Variants in PCARE observed in about 807,000 individuals in gnomAD.
PCARE encodes the protein uncharacterized protein C2orf71.
PCARE carries 72 observed loss-of-function variants against 82.2 expected under a neutral mutation model. That is an observed-to-expected ratio of 0.88 (90% CI 0.72 to 1.07). The LOEUF (loss-of-function observed/expected upper bound fraction) is 1.07. Ranked by LOEUF, PCARE falls within the 50% of genes least tolerant of loss-of-function variation. The pLI is 0.00. For missense variants in PCARE, 1,768 were observed against 1,592.4 expected, an observed-to-expected ratio of 1.11 and a Z score of -1.88; for synonymous variants, 705 against 634.8, an observed-to-expected ratio of 1.11 and a Z score of -1.66.
rs780352241 is a variant in PCARE at position 29,073,918 on chromosome 2, G to A, written c.344C>T (p.Pro115Leu). Residue 115 changes from proline (P) to leucine (L), a missense_variant, in exon 1 of 2, where the codon CCG becomes CTG. Coordinates refer to ENST00000331664, the MANE Select transcript of PCARE (RefSeq NM_001029883.3). ...KSQSHMAKDI[P>L]FKTQGSHGSQ... ...TCCATGGGAACCCTGTGTCTTGAAC[G>A]GAATATCCTTAGCCATGTGGCTTTG... 64 of 1,614,126 alleles carry A rather than the reference G, an allele frequency of 4.0e-5. No homozygotes were observed. The highest frequency in any genetic ancestry group is 4.8e-5 in the Non-Finnish European group (57 of 1,180,048).
chr2:29,073,509 C>G lies in PCARE; in HGVS notation c.753G>C (p.Leu251=), dbSNP rs1266485423. Residue 251 remains leucine, a synonymous_variant, in exon 1 of 2, where the codon CTG becomes CTC. Coordinates refer to ENST00000331664, the MANE Select transcript of PCARE (RefSeq NM_001029883.3). The part of the protein sequence containing the change: ...EVLLQEVRED[L]AWPLKKREPQ... ...GCTCTCTTTTCTTCAAAGGCCAAGC[C>G]AGATCCTCCCTGACTTCCTGCAGGA... 1.2e-6 allele frequency: 2 copies of G among 1,614,060 alleles called. No individual in the cohort carries two copies. The highest frequency in any genetic ancestry group is 1.7e-6 in the Non-Finnish European group (2 of 1,180,042).
rs372953965 is a variant in PCARE, at chr2:29,070,681, G to C, written c.3581C>G (p.Ala1194Gly). Residue 1194 changes from alanine (A) to glycine (G), a missense_variant, in exon 1 of 2, where the codon GCT becomes GGT. Transcript: ENST00000331664. ...LNPLPFLRRT[A>G]SDRQPGGRPQ... ...TCGGCCACCTGGCTGGCGGTCAGAAGCTGTCCTCCTGAGGAAAGGCAGAGG... is the reference window on the plus strand; with the variant it reads ...TCGGCCACCTGGCTGGCGGTCAGAACCTGTCCTCCTGAGGAAAGGCAGAGG... 13 of 1,614,046 alleles carry C rather than the reference G, an allele frequency of 8.1e-6. No individual in the cohort carries two copies. In the African/African-American group the frequency reaches 1.2e-4, roughly 15 times the overall value.
In PCARE at chr2:29,064,618, T is replaced by G; in HGVS notation, c.*251A>C. ...CAAATTAAGGCCAGCACTTGAAGCA[T>G]TAAATACTGTCATTGTGGGGTCTAA... On this transcript the variant is annotated 3_prime_UTR_variant, in exon 2 of 2. Coordinates refer to ENST00000331664, the MANE Select transcript of PCARE (RefSeq NM_001029883.3). 1.4e-5 allele frequency: 8 copies of G among 575,570 alleles called. No individual in the cohort carries two copies. Among genetic ancestry groups the G allele is most frequent in the Non-Finnish European group, 1.6e-5 (5 of 321,388 alleles). The allele number at this position is 575,570 out of a possible 1,614,324, so 35.7% of individuals were successfully genotyped here.
In PCARE at chr2:29,071,485, C is replaced by T; in HGVS notation, c.2777G>A (p.Ser926Asn). Reference sequence around the variant, plus strand: ...GGGGCTTTGGCTGGTGGCTGGTGGGCTGCTCAGGTCCAGGGCTGGCTTCCT... The same window carrying T: ...GGGGCTTTGGCTGGTGGCTGGTGGGTTGCTCAGGTCCAGGGCTGGCTTCCT... The part of the protein sequence containing the change: ...QPRKPALDLS[S>N]PPATSQSPEV... The change falls in exon 1 of 2, where the codon AGC becomes AAC. Residue 926 changes from serine (S) to asparagine (N), a missense_variant. Transcript: ENST00000331664. 2 of 1,611,290 alleles carry T rather than the reference C, an allele frequency of 1.2e-6. No individual in the cohort carries two copies. The highest frequency in any genetic ancestry group is 1.7e-6 in the Non-Finnish European group (2 of 1,179,952).
Position 29,064,503 on chromosome 2 carries a change from T to C in PCARE, c.*366A>G, listed in dbSNP as rs1475768897. 1.8e-5 allele frequency: 7 copies of C among 395,880 alleles called. No homozygotes were observed. In the East Asian group the frequency reaches 3.6e-4, roughly 20 times the overall value. 24.5% of individuals were successfully genotyped at this position (395,880 alleles called of 1,614,324 possible). ...GAAGAATGCTATGTGCTTCATTCAC[T>C]GTTGTGAGGCTTAAGTGATCTCAAG... On this transcript the variant is annotated 3_prime_UTR_variant, in exon 2 of 2. Transcript: ENST00000331664.
chr2:29,071,810 C>G lies in PCARE; in HGVS notation c.2452G>C (p.Glu818Gln). 6.2e-7 allele frequency: 1 copy of G among 1,614,112 alleles called. No individual in the cohort carries two copies. The highest frequency in any genetic ancestry group is 8.5e-7 in the Non-Finnish European group (1 of 1,179,962). ...LPKAEAAKSE[E>Q]LSCEMEGNLE... Reference sequence around the variant, plus strand: ...TTCCCCTCCATTTCACAGCTGAGCTCCTCACTCTTGGCTGCTTCTGCTTTA... The same window carrying G: ...TTCCCCTCCATTTCACAGCTGAGCTGCTCACTCTTGGCTGCTTCTGCTTTA... The change falls in exon 1 of 2, where the codon GAG (glutamate) becomes CAG (glutamine). Residue 818 changes from glutamate (E) to glutamine (Q), a missense_variant. Transcript: ENST00000331664.
At chr2:29,066,133 A>G (rs35177682) in intron 1 of PCARE, among the ~76,000 whole-genome samples, 25,088 of 152,206 alleles carry the variant, frequency 0.16, 2,508 homozygotes, top group Middle Eastern at 0.29. Flanking sequence ...GGGCAACAAG[A>G]GTGAAACTCT....
At position 29,073,099 on chromosome 2, in the gene PCARE, G is replaced by T. The variant is rs762203916; in HGVS notation, c.1163C>A (p.Thr388Lys). ...GGTGTGTCCTGACTGCCTGGCCTCT[G>T]TGTGGGGTGAAGTCACCGACTTCCA... The part of the protein sequence containing the change: ...EEWKSVTSPH[T>K]EARQSGHTWQ... The change falls in exon 1 of 2, where the codon ACA becomes AAA. Residue 388 changes from threonine to lysine, a missense_variant. Physicochemically the swap from Thr to Lys is moderately conservative, Grantham distance 78 (BLOSUM62 -1). Transcript: ENST00000331664. 1.2e-6 allele frequency: 2 copies of T among 1,614,046 alleles called. No individual in the cohort carries two copies. The highest frequency in any genetic ancestry group is 2.7e-5 in the African/African-American group (2 of 74,932).
At chr2:29,070,265 C>T (rs768562778) in intron 1 of PCARE, among the ~76,000 whole-genome samples, 2 of 152,132 alleles carry the variant, frequency 1.3e-5, no homozygotes, top group Non-Finnish European at 2.9e-5. Context: ...CTCTCCCTCC[C>T]CTTGTTCCCT....
rs1441938811 is a variant in PCARE, at chr2:29,072,300, G to T, written c.1962C>A (p.Thr654=). ...PRAAAVWPNG[T]CRVSPSNTTS... is the part of the protein sequence containing the mutation. Reference sequence around the variant, plus strand: ...TGGTGTTGCTTGGACTGACCCTGCAGGTGCCATTGGGCCACACGGCGGCTG... The same window carrying T: ...TGGTGTTGCTTGGACTGACCCTGCATGTGCCATTGGGCCACACGGCGGCTG... The change falls in exon 1 of 2, where the codon ACC becomes ACA. Residue 654 remains threonine (T), a synonymous_variant. Coordinates refer to ENST00000331664, the MANE Select transcript of PCARE (RefSeq NM_001029883.3). 6.2e-7 allele frequency: 1 copy of T among 1,614,206 alleles called. No homozygotes were observed. Among genetic ancestry groups the T allele is most frequent in the South Asian group, 1.1e-5 (1 of 91,080 alleles).
At chr2:29,069,219 T>C (rs1049499938) in intron 1 of PCARE, among the ~76,000 whole-genome samples, 1 of 152,232 alleles carries the variant, frequency 6.6e-6, no homozygotes, top group Admixed American at 6.5e-5. Context: ...TAGAAGATAC[T>C]CTTTTCATAA....
At chr2:29,069,387 CTT>C (rs1383266162) in intron 1 of PCARE, among the ~76,000 whole-genome samples, 1 of 152,200 alleles carries the variant, frequency 6.6e-6, no homozygotes, top group Non-Finnish European at 1.5e-5. Context: ...AAGATCATGT[CTT>C]TTGCAGGCAC....
chr2:29,072,447 C>A lies in PCARE; in HGVS notation c.1815G>T (p.Glu605Asp). The A allele has an allele frequency of 6.2e-7, 1 of 1,614,192 alleles. No individual in the cohort carries two copies. Among genetic ancestry groups the A allele is most frequent in the South Asian group, 1.1e-5 (1 of 91,086 alleles). The stretch of plus-strand genomic sequence containing the variant: ...TTCGCAGCTCCTGAAAGGTGGGGTC[C>A]TCCACGTGACTCTGGAGACACGACT... Reference protein sequence around the residue: ...QSESCLQSHVEDPTFQELRRV... With the variant: ...QSESCLQSHVDDPTFQELRRV... Residue 605 changes from glutamate to aspartate, a missense_variant, in exon 1 of 2, where the codon GAG becomes GAT. By Grantham distance (45) the Glu-to-Asp change is conservative. Transcript: ENST00000331664.
intron 1 of PCARE, among the ~76,000 whole-genome samples, chr2:29,065,501 T>C (rs1392500494): frequency 6.6e-6 from 1 of 152,218 alleles, no homozygotes; most frequent in Non-Finnish European, 1.5e-5. Context: ...TTTTCCCGAA[T>C]AGAGAAAAAT....
At chr2:29,066,974 A>G (rs949399197) in intron 1 of PCARE, among the ~76,000 whole-genome samples, 1 of 152,230 alleles carries the variant, frequency 6.6e-6, no homozygotes, top group African/African-American at 2.4e-5. Flanking sequence ...AAGCTCAGTA[A>G]TTGAGCTTCC....
At position 29,073,987 on chromosome 2, in the gene PCARE, A is replaced by C. The variant is rs1253291949; in HGVS notation, c.275T>G (p.Leu92Arg). 1.2e-6 allele frequency: 2 copies of C among 1,614,220 alleles called. No homozygotes were observed. The highest frequency in any genetic ancestry group is 8.5e-7 in the Non-Finnish European group (1 of 1,180,024). Residue 92 changes from leucine (L) to arginine (R), a missense_variant, in exon 1 of 2, where the codon CTG (leucine) becomes CGG (arginine). Leu to Arg is a moderately radical substitution (Grantham distance 102). Coordinates refer to ENST00000331664, the MANE Select transcript of PCARE (RefSeq NM_001029883.3). ...TGAAGAGGTTTTGGTTCCTGGGATC[A>C]GTCCTTCCATATCTTTCCTTTTGCC... Reference protein sequence around the residue: ...ASGKRKDMEGLIPGTKTSSSQ... With the variant: ...ASGKRKDMEGRIPGTKTSSSQ...
rs1427403544 is a variant in PCARE, at chr2:29,070,902, A to G, written c.3360T>C (p.His1120=). ...AVIAKVSGNT[H]SIFCPATSSL... is the part of the protein sequence containing the mutation. ...AGGAGGTAGCTGGGCAGAATATGGA[A>G]TGTGTGTTCCCAGACACTTTGGCTA... The change falls in exon 1 of 2, where the codon CAT becomes CAC. Residue 1120 remains histidine, a synonymous_variant. Coordinates refer to ENST00000331664, the MANE Select transcript of PCARE (RefSeq NM_001029883.3). 1 of 1,613,042 alleles carries G rather than the reference A, an allele frequency of 6.2e-7. No individual in the cohort carries two copies. The highest frequency in any genetic ancestry group is 1.7e-5 in the Admixed American group (1 of 59,944).
rs1473171928 is a variant in PCARE at position 29,073,921 on chromosome 2, A to G, written c.341T>C (p.Ile114Thr). 1 of 1,614,230 alleles carries G rather than the reference A, an allele frequency of 6.2e-7. No homozygotes were observed. Residue 114 changes from isoleucine to threonine, a missense_variant, in exon 1 of 2, where the codon ATT becomes ACT. Transcript: ENST00000331664. ...ATGGGAACCCTGTGTCTTGAACGGA[A>G]TATCCTTAGCCATGTGGCTTTGTGA... Reference protein sequence around the residue: ...NKSQSHMAKDIPFKTQGSHGS... With the variant: ...NKSQSHMAKDTPFKTQGSHGS...
Position 29,070,779 on chromosome 2 carries a change from T to C in PCARE, c.3483A>G (p.Glu1161=). ...EAGGPLGNPA[E]CWKNSSGPWL... The stretch of plus-strand genomic sequence containing the variant: ...AAGGCCCTGAGCTGTTCTTCCAGCA[T>C]TCTGCTGGGTTCCCGAGAGGGCCCC... Residue 1161 remains glutamate, a synonymous_variant, in exon 1 of 2, where the codon GAA becomes GAG. Transcript: ENST00000331664. 6.2e-7 allele frequency: 1 copy of C among 1,614,076 alleles called. No homozygotes were observed. The highest frequency in any genetic ancestry group is 8.5e-7 in the Non-Finnish European group (1 of 1,180,022).
Sources: gnomAD v4.1 joint callset for allele counts (sites outside exome capture counted in the v4.1 genomes callset) on GRCh38, gnomAD v4.1.1 for gene constraint, MANE v1.5 for transcripts, NCBI Gene and HGNC (gene_info 2026-07-23, HGNC 2026-07-21) for gene names.